The following EEF1AKMT3 variants were observed in gnomAD, a reference collection of about 807,000 sequenced individuals.
EEF1AKMT3 encodes eEF1A-KMT3.
EEF1AKMT3 carries 17 observed loss-of-function variants against 17.8 expected under a neutral mutation model. That is an observed-to-expected ratio of 0.96 (90% confidence interval 0.65 to 1.43). The LOEUF is 1.43. Ranked by LOEUF, EEF1AKMT3 falls within the 40% of genes most tolerant of loss-of-function variation. EEF1AKMT3 has a pLI of 0.00. For missense variants in EEF1AKMT3, 244 were observed against 285.8 expected (o/e 0.85, Z 1.06); for synonymous variants, 116 against 126.5 (o/e 0.92, Z 0.56).
chr12:57,776,636 CTCTT>C (rs1955481881), intron 2 of EEF1AKMT3, among the ~76,000 whole-genome samples: 1 of 151,758 alleles, frequency 6.6e-6, no homozygotes, highest in African/African-American at 2.4e-5. Context: ...TGTTTCCTAT[CTCTT>C]TATTTTATTT....
intron 2 of EEF1AKMT3, 88 bp downstream of exon 2, chr12:57,773,216 G>T: frequency 7.8e-7 from 1 of 1,289,032 alleles, no homozygotes; most frequent in South Asian, 1.2e-5. Flanking sequence ...GGAGAGGGGA[G>T]AACTTTGGGC....
intron 2 of EEF1AKMT3, 61 bp from the exon 3 acceptor site, chr12:57,780,194 G>C: frequency 6.3e-7 from 1 of 1,586,412 alleles, no homozygotes; most frequent in Non-Finnish European, 8.5e-7. Context: ...CTTCCAGGCA[G>C]GAGCCAAGAA....
rs1465699066 is a variant in EEF1AKMT3, at chr12:57,772,923, G to A, written c.177+22G>A. 1 of 1,613,210 alleles carries A rather than the reference G, an allele frequency of 6.2e-7. No homozygotes were observed. Reference sequence around the variant, plus strand: ...CGCGGTGAGGAATGGGCTGCGCCGGGTGAGGGTCCGTGGGAGGTCCAGATC... The same window carrying A: ...CGCGGTGAGGAATGGGCTGCGCCGGATGAGGGTCCGTGGGAGGTCCAGATC... On this transcript the variant is annotated intron_variant, in intron 1 of 2. Transcript: ENST00000300209. The surrounding 1 kb of genome is among the most constrained non-coding windows in gnomAD (Gnocchi z 4.1).
In EEF1AKMT3 at chr12:57,780,803, C is replaced by A; in HGVS notation, c.*157C>A. On this transcript the variant is annotated 3_prime_UTR_variant, in exon 3 of 3. Coordinates refer to ENST00000300209, the MANE Select transcript of EEF1AKMT3 (RefSeq NM_015433.3). The stretch of plus-strand genomic sequence containing the variant: ...TTCCCTCTTTGTTACCCCAGATACT[C>A]TTGGGCAGGTGCAGTGAGGTGCCTG... 1 of 1,009,110 alleles carries A rather than the reference C, an allele frequency of 9.9e-7. No individual in the cohort carries two copies. Among genetic ancestry groups the A allele is most frequent in the Non-Finnish European group, 1.4e-6 (1 of 707,096 alleles). The allele number at this position is 1,009,110 out of a possible 1,614,324, so 62.5% of individuals were successfully genotyped here. A position where few individuals can be genotyped will look rare whatever the true frequency, so the allele number is the denominator to read the frequency against.
At chr12:57,775,749 C>G (rs571005129) in intron 2 of EEF1AKMT3, among the ~76,000 whole-genome samples, 1 of 152,270 alleles carries the variant, frequency 6.6e-6, no homozygotes, top group South Asian at 2.1e-4. Flanking sequence ...TGTGACATAC[C>G]CAACTAGATC....
chr12:57,778,751 T>G (rs559826977), intron 2 of EEF1AKMT3, among the ~76,000 whole-genome samples: 19 of 152,218 alleles, frequency 1.2e-4, no homozygotes, highest in Non-Finnish European at 2.5e-4. Flanking sequence ...ATCTCTCACC[T>G]GAGTCATTGC....
chr12:57,774,644 T>C (rs1281278447), intron 2 of EEF1AKMT3: 1 of 1,501,416 alleles, frequency 6.7e-7, no homozygotes, highest in South Asian at 1.1e-5. Context: ...TATGGTCTAG[T>C]GAGGGAGACA....
At chr12:57,775,356 A>G (rs1278147892) in intron 2 of EEF1AKMT3, among the ~76,000 whole-genome samples, 1 of 149,206 alleles carries the variant, frequency 6.7e-6, no homozygotes, top group African/African-American at 2.5e-5. Context: ...GCAATCACCC[A>G]GTCCTATGAG....
chr12:57,778,259 T>C (rs1241224513), intron 2 of EEF1AKMT3, among the ~76,000 whole-genome samples: 1 of 124,572 alleles, frequency 8.0e-6, no homozygotes, highest in Non-Finnish European at 1.6e-5. Context: ...GGTCTTCTAG[T>C]TGGTCAGGCC....
At chr12:57,773,229 A>G (rs1315972158) in intron 2 of EEF1AKMT3, 101 bp downstream of exon 2, 5 of 1,068,396 alleles carry the variant, frequency 4.7e-6, no homozygotes, top group Admixed American at 2.3e-5. Flanking sequence ...CTTTGGGCCC[A>G]GTCTAACCCC....
rs1186752187 is a variant in EEF1AKMT3 at position 57,781,305 on chromosome 12, C to A, written c.*659C>A. On this transcript the variant is annotated 3_prime_UTR_variant, in exon 3 of 3. Transcript: ENST00000300209. Reference sequence around the variant, plus strand: ...AAACTCCTGGGCTCAAGTGATCCACCCGCCTTGCCTCCCAAAGTGCTGGGA... The same window carrying A: ...AAACTCCTGGGCTCAAGTGATCCACACGCCTTGCCTCCCAAAGTGCTGGGA... The A allele has an allele frequency of 1.3e-5, 2 of 152,218 alleles. No homozygotes were observed. 9.4% of individuals were successfully genotyped at this position (152,218 alleles called of 1,614,324 possible).
chr12:57,775,295 G>A (rs1955473567), intron 2 of EEF1AKMT3, among the ~76,000 whole-genome samples: 1 of 151,624 alleles, frequency 6.6e-6, no homozygotes, highest in African/African-American at 2.4e-5. Context: ...TAGCTGTCAA[G>A]TCAGAAAGCT....
chr12:57,778,444 G>A (rs972094631), intron 2 of EEF1AKMT3, among the ~76,000 whole-genome samples: 1 of 151,642 alleles, frequency 6.6e-6, no homozygotes, highest in Non-Finnish European at 1.5e-5. Context: ...GGGACTACAG[G>A]ATGTGCCACC....
Position 57,772,750 on chromosome 12 carries a change from A to C in EEF1AKMT3, c.26A>C (p.Glu9Ala), listed in dbSNP as rs1415555812. 1.2e-6 allele frequency: 2 copies of C among 1,613,890 alleles called. No individual in the cohort carries two copies. Among genetic ancestry groups the C allele is most frequent in the Admixed American group, 3.3e-5 (2 of 60,010 alleles). Reference protein sequence around the residue: MADPGPDPESESESVFPRE... With the variant: MADPGPDPASESESVFPRE... The stretch of plus-strand genomic sequence containing the variant: ...ATGGCGGACCCCGGCCCAGATCCCG[A>C]ATCTGAGTCGGAATCGGTGTTCCCG... Residue 9 changes from glutamate (E) to alanine (A), a missense_variant, in exon 1 of 3, where the codon GAA (glutamate) becomes GCA (alanine). Physicochemically the swap from Glu to Ala is moderately radical, Grantham distance 107 (BLOSUM62 -1). Coordinates refer to ENST00000300209, the MANE Select transcript of EEF1AKMT3 (RefSeq NM_015433.3). This position sits in a 1 kb window ranked among gnomAD's most constrained non-coding sequence, Gnocchi z 4.1.
Position 57,780,307 on chromosome 12 carries a change from C to T in EEF1AKMT3, c.342C>T (p.Gly114=). The part of the protein sequence containing the change: ...DLPLALEQIQ[G]NVQANVPAGG... ...CCCTGGCCCTAGAACAGATCCAGGG[C>T]AACGTCCAGGCCAATGTGCCAGCTG... The change falls in exon 3 of 3, where the codon GGC becomes GGT. Residue 114 remains glycine (G), a synonymous_variant. Transcript: ENST00000300209. 1 of 1,614,126 alleles carries T rather than the reference C, an allele frequency of 6.2e-7. No homozygotes were observed. Among genetic ancestry groups the T allele is most frequent in the Non-Finnish European group, 8.5e-7 (1 of 1,180,014 alleles).
At chr12:57,775,376 CTTTTTTTT>C (rs199924829) in intron 2 of EEF1AKMT3, among the ~76,000 whole-genome samples, 1 of 136,554 alleles carries the variant, frequency 7.3e-6, no homozygotes, top group African/African-American at 2.7e-5. Context: ...GTTAAATGTT[CTTTTTTTT>C]TTTTTTTTCC....
At chr12:57,779,192 C>A (rs756417796) in intron 2 of EEF1AKMT3, among the ~76,000 whole-genome samples, 130 of 152,116 alleles carry the variant, frequency 8.5e-4, no homozygotes, top group Non-Finnish European at 1.2e-3. Context: ...AGGTAGGAGC[C>A]GAGAACCCTT....
At chr12:57,775,105 CAAAAAAAAAAAAA>C (rs1019116260) in intron 2 of EEF1AKMT3, among the ~76,000 whole-genome samples, 1 of 33,612 alleles carries the variant, frequency 3.0e-5, no homozygotes, top group Non-Finnish European at 4.8e-5. Context: ...AACGCCATCT[CAAAAAAAAAAAAA>C]AAAAAAAAAA....
Position 57,772,686 on chromosome 12 carries a change from C to T in EEF1AKMT3, c.-39C>T, listed in dbSNP as rs755802416. On this transcript the variant is annotated 5_prime_UTR_variant, in exon 1 of 3. Coordinates refer to ENST00000300209, the MANE Select transcript of EEF1AKMT3 (RefSeq NM_015433.3). The surrounding 1 kb of genome is among the most constrained non-coding windows in gnomAD (Gnocchi z 4.1). The stretch of plus-strand genomic sequence containing the variant: ...CCCCGCTCCGGATCCGGGATCTGAG[C>T]GCCGGCCGCGGTGCCCAGGCACTCC... The T allele has an allele frequency of 3.2e-6, 5 of 1,577,962 alleles. No individual in the cohort carries two copies. The highest frequency in any genetic ancestry group is 1.8e-5 in the Admixed American group (1 of 56,094).
Sources: gnomAD v4.1 joint callset for allele counts (sites outside exome capture counted in the v4.1 genomes callset) on GRCh38, gnomAD v4.1.1 for gene constraint, Gnocchi (gnomAD v3.1) non-coding constraint, MANE v1.5 for transcripts, NCBI Gene and HGNC (gene_info 2026-07-23, HGNC 2026-07-21) for gene names.